BNC2: variants seen among roughly 807,000 people sequenced by gnomAD.
BNC2 encodes the protein zinc finger protein basonuclin-2.
In BNC2, 20 loss-of-function variants were observed where a neutral mutation model predicts 76.3. That is an observed-to-expected ratio of 0.26 (90% CI 0.18 to 0.38). The LOEUF (loss-of-function observed/expected upper bound fraction) is 0.38, where lower values mean the gene tolerates loss of function less well. BNC2 is among the 10% of genes least tolerant of loss of function. The probability of loss-of-function intolerance (pLI) is 1.00; values close to 1 mark genes in which losing one functional copy is unlikely to be tolerated. For synonymous variants in BNC2, 582 were observed against 514.8 expected (o/e 1.13, Z -1.77); for missense variants, 1,382 against 1,399.8 (o/e 0.99, Z 0.20).
At chr9:16,849,884 T>C (rs1160665278) in intron 1 of BNC2, among the ~76,000 whole-genome samples, 1 of 152,214 alleles carries the variant, frequency 6.6e-6, no homozygotes. Flanking sequence ...GCAACTACTT[T>C]TTCCTTTGAC....
At chr9:16,551,453 C>G (rs1339251052) in intron 5 of BNC2, among the ~76,000 whole-genome samples, 1 of 152,182 alleles carries the variant, frequency 6.6e-6, no homozygotes, top group Admixed American at 6.5e-5. Flanking sequence ...CAGCTAATGC[C>G]CTTCATGTAA....
chr9:16,643,695 C>T (rs1185218142), intron 3 of BNC2, among the ~76,000 whole-genome samples: 1 of 152,140 alleles, frequency 6.6e-6, no homozygotes, highest in African/African-American at 2.4e-5. Flanking sequence ...GCAATCACAT[C>T]TGATGTTTCT....
intron 1 of BNC2, among the ~76,000 whole-genome samples, chr9:16,830,777 A>AT (rs1158783818): frequency 1.3e-5 from 2 of 152,238 alleles, no homozygotes; most frequent in Non-Finnish European, 1.5e-5. Flanking sequence ...AAAAATTATT[A>AT]TTTGAGAGCA....
chr9:16,626,003 T>C (rs1248797975), intron 3 of BNC2: 1 of 152,208 alleles, frequency 6.6e-6, no homozygotes, highest in African/African-American at 2.4e-5. Context: ...TGGAGCTAGA[T>C]ACCATTAGCA....
intron 6 of BNC2, among the ~76,000 whole-genome samples, chr9:16,425,704 C>G (rs1481553602): frequency 6.6e-6 from 1 of 152,212 alleles, no homozygotes; most frequent in Non-Finnish European, 1.5e-5. Context: ...AATGTTGTAA[C>G]TCTGAAGACG....
At chr9:16,789,275 T>A (rs937005526) in intron 1 of BNC2, among the ~76,000 whole-genome samples, 1 of 152,016 alleles carries the variant, frequency 6.6e-6, no homozygotes, top group Non-Finnish European at 1.5e-5. Context: ...GTAATATAAA[T>A]GTTCTTCGTC....
At chr9:16,426,708 C>G (rs1820809661) in intron 6 of BNC2, among the ~76,000 whole-genome samples, 1 of 151,292 alleles carries the variant, frequency 6.6e-6, no homozygotes, top group South Asian at 2.1e-4. Flanking sequence ...ATTTAACCAA[C>G]CAGCAATGCA....
chr9:16,671,416 T>C (rs115993929), intron 3 of BNC2, among the ~76,000 whole-genome samples: 2,978 of 152,292 alleles, frequency 0.02, 95 homozygotes, highest in African/African-American at 0.067. Flanking sequence ...AGAACACATC[T>C]AGCCTTTCAC....
intron 1 of BNC2, among the ~76,000 whole-genome samples, chr9:16,813,989 G>A (rs1347685711): frequency 6.6e-6 from 1 of 152,058 alleles, no homozygotes; most frequent in Non-Finnish European, 1.5e-5. Context: ...CCCCAGACAC[G>A]GTGTACTAAA....
intron 1 of BNC2, among the ~76,000 whole-genome samples, chr9:16,743,377 A>G (rs950658237): frequency 1.3e-5 from 2 of 151,964 alleles, no homozygotes; most frequent in Non-Finnish European, 2.9e-5. Flanking sequence ...GTCCAACATT[A>G]TAAGGCATCT....
chr9:16,763,242 G>A (rs1229584901), intron 1 of BNC2, among the ~76,000 whole-genome samples: 1 of 151,964 alleles, frequency 6.6e-6, no homozygotes, highest in Admixed American at 6.6e-5. Context: ...CTCCATTTTT[G>A]TGGTCCATAC....
At chr9:16,585,051 C>T (rs1819730819) in intron 3 of BNC2, among the ~76,000 whole-genome samples, 1 of 151,956 alleles carries the variant, frequency 6.6e-6, no homozygotes, top group African/African-American at 2.4e-5. Context: ...ATATAAACTC[C>T]AGCACAAAAG....
chr9:16,702,011 T>C (rs1823530227), intron 3 of BNC2, among the ~76,000 whole-genome samples: 1 of 151,290 alleles, frequency 6.6e-6, no homozygotes, highest in African/African-American at 2.4e-5. Context: ...TTATTTTTTA[T>C]GAAAACATAA....
At chr9:16,696,049 C>T (rs1823328736) in intron 3 of BNC2, among the ~76,000 whole-genome samples, 1 of 152,180 alleles carries the variant, frequency 6.6e-6, no homozygotes, top group South Asian at 2.1e-4. Flanking sequence ...CTTTCAATCC[C>T]CTCAGCTGTC....
intron 5 of BNC2, among the ~76,000 whole-genome samples, chr9:16,539,778 G>A (rs57237201): frequency 0.041 from 3,846 of 93,502 alleles, 54 homozygotes; most frequent in Middle Eastern, 0.059. Flanking sequence ...AGAAAGGAAA[G>A]GAAAGGAAAG....
At chr9:16,658,317 G>C (rs1046574536) in intron 3 of BNC2, among the ~76,000 whole-genome samples, 17 of 152,106 alleles carry the variant, frequency 1.1e-4, no homozygotes, top group Admixed American at 9.8e-4. Flanking sequence ...GTCAGGGGGA[G>C]TACTGTAAGG....
intron 3 of BNC2, among the ~76,000 whole-genome samples, chr9:16,706,471 A>G (rs1163196550): frequency 6.6e-6 from 1 of 152,234 alleles, no homozygotes; most frequent in South Asian, 2.1e-4. Flanking sequence ...TCCTGGAGTG[A>G]GGCCATGTCC....
chr9:16,844,342 T>C (rs965305607), intron 1 of BNC2, among the ~76,000 whole-genome samples: 10 of 151,860 alleles, frequency 6.6e-5, no homozygotes, highest in Non-Finnish European at 1.3e-4. Context: ...TTACAAATCA[T>C]GTTTACTTAA....
intron 5 of BNC2, among the ~76,000 whole-genome samples, chr9:16,540,840 C>T (rs566642065): frequency 6.6e-6 from 1 of 152,176 alleles, no homozygotes; most frequent in Non-Finnish European, 1.5e-5. Context: ...ATTGAAAGAT[C>T]AGTGCTGCAA....
Sources: gnomAD v4.1 joint callset for allele counts (sites outside exome capture counted in the v4.1 genomes callset) on GRCh38, gnomAD v4.1.1 for gene constraint, MANE v1.5 for transcripts, NCBI Gene and HGNC (gene_info 2026-07-23, HGNC 2026-07-21) for gene names.